SEMA6D: variants seen among roughly 807,000 people sequenced by gnomAD.
SEMA6D encodes semaphorin-6D.
In SEMA6D, 35 loss-of-function variants were observed where a neutral mutation model predicts 106.6. The observed-to-expected ratio is 0.33, with a 90% CI of 0.25 to 0.44. The LOEUF is 0.44. SEMA6D is among the 20% of genes least tolerant of loss of function. The pLI is 1.00. For synonymous variants in SEMA6D, 499 were observed against 487.7 expected (o/e 1.02, Z -0.31); for missense variants, 1,185 against 1,345.9 (o/e 0.88, Z 1.87).
At chr15:47,563,105 G>A (rs1001136756) in intron 3 of SEMA6D, among the ~76,000 whole-genome samples, 4 of 152,142 alleles carry the variant, frequency 2.6e-5, no homozygotes, top group Non-Finnish European at 4.4e-5. Context: ...GTAATTTCAT[G>A]TATTTCATTT....
chr15:47,415,129 G>T (rs545139641), intron 2 of SEMA6D, among the ~76,000 whole-genome samples: 3 of 152,182 alleles, frequency 2.0e-5, no homozygotes, highest in East Asian at 1.9e-4. Context: ...CATCTTCATC[G>T]ATCTGGTCTG....
intron 4 of SEMA6D, among the ~76,000 whole-genome samples, chr15:47,667,398 C>T (rs1256563321): frequency 1.3e-5 from 2 of 152,106 alleles, no homozygotes; most frequent in Non-Finnish European, 2.9e-5. Context: ...CTCAGGCTTC[C>T]TAGAGGGCTG....
chr15:47,670,310 A>T lies in SEMA6D; in HGVS notation c.-55+69414A>T, dbSNP rs368641618. ...TGTTCTTCATGACTGTCTTACACAC[A>T]CAGATGCTAACTTCACCGCAGAGAA... On this transcript the variant is annotated intron_variant, in intron 4 of 19. Transcript: ENST00000558014. 2.5e-4 allele frequency among the ~76,000 whole-genome samples: 38 copies of T among 152,274 alleles called. No individual in the cohort carries two copies. The South Asian group carries it at 4.4e-3, about 17-fold the overall frequency.
At chr15:47,387,857 T>A (rs2039893089) in intron 1 of SEMA6D, among the ~76,000 whole-genome samples, 1 of 152,184 alleles carries the variant, frequency 6.6e-6, no homozygotes, top group Admixed American at 6.5e-5. Context: ...AACCTGTGCA[T>A]AATGAGAGTA....
In SEMA6D at chr15:47,336,418, T is replaced by C. The variant is rs1424967602; in HGVS notation, c.-238-75975T>C. On this transcript the variant is annotated intron_variant, in intron 1 of 19. Coordinates refer to the SEMA6D transcript ENST00000558014. Reference sequence around the variant, plus strand: ...GGACAAATTCTCCACTTGATAATTATCTGTGGAGCTGTTACTGGGGCTCAT... The same window carrying C: ...GGACAAATTCTCCACTTGATAATTACCTGTGGAGCTGTTACTGGGGCTCAT... 2.0e-5 allele frequency among the ~76,000 whole-genome samples: 3 copies of C among 152,182 alleles called. No individual in the cohort carries two copies. In the East Asian group the frequency reaches 5.8e-4, roughly 29 times the overall value.
At chr15:47,383,945 A>G (rs1751936695) in intron 1 of SEMA6D, among the ~76,000 whole-genome samples, 1 of 152,242 alleles carries the variant, frequency 6.6e-6, no homozygotes, top group Admixed American at 6.5e-5. Flanking sequence ...CACAAAGCAC[A>G]TGCACATATA....
chr15:47,359,282 T>A (rs138745772), intron 1 of SEMA6D: 1 of 152,340 alleles, frequency 6.6e-6, no homozygotes, highest in Non-Finnish European at 1.5e-5. Flanking sequence ...TTGAATTGGC[T>A]AGTCTTAATT....
intron 3 of SEMA6D, among the ~76,000 whole-genome samples, chr15:47,513,368 G>A (rs554266464): frequency 6.6e-6 from 1 of 152,208 alleles, no homozygotes; most frequent in South Asian, 2.1e-4. Context: ...GATTTGTCAT[G>A]CAATCTTACA....
intron 4 of SEMA6D, among the ~76,000 whole-genome samples, chr15:47,646,032 T>A (rs1027647084): frequency 8.5e-5 from 13 of 152,100 alleles, no homozygotes; most frequent in Non-Finnish European, 1.6e-4. Context: ...CCCATCTTTC[T>A]GGGTTTTTAT....
intron 4 of SEMA6D, among the ~76,000 whole-genome samples, chr15:47,650,682 A>G (rs1395986499): frequency 3.3e-5 from 5 of 152,202 alleles, no homozygotes; most frequent in Non-Finnish European, 5.9e-5. Flanking sequence ...GTTCCCCTAT[A>G]GAGAATAGGA....
rs537409436 is a variant in SEMA6D at position 47,202,740 on chromosome 15, C to A, written c.-239+18322C>A. Among the ~76,000 whole-genome samples the A allele has an allele frequency of 2.6e-5, 4 of 152,286 alleles. No homozygotes were observed. The South Asian group carries it at 8.3e-4, about 32-fold the overall frequency. On this transcript the variant is annotated intron_variant, in intron 1 of 19. Transcript: ENST00000558014. Reference sequence around the variant, plus strand: ...CCTGCTCTAAAACTTGCCGCAGTTTCTCTTTCTGCCTTACGCCCCTCAATT... The same window carrying A: ...CCTGCTCTAAAACTTGCCGCAGTTTATCTTTCTGCCTTACGCCCCTCAATT...
intron 4 of SEMA6D, among the ~76,000 whole-genome samples, chr15:47,608,910 T>C (rs3985872): frequency 0.18 from 27,622 of 152,054 alleles, 2,831 homozygotes; most frequent in African/African-American, 0.26. Context: ...TAAGCATTAA[T>C]ACATTTTACT....
chr15:47,358,498 C>T (rs922462689), intron 1 of SEMA6D, among the ~76,000 whole-genome samples: 1 of 152,194 alleles, frequency 6.6e-6, no homozygotes, highest in Non-Finnish European at 1.5e-5. Context: ...TTATCATGGT[C>T]TTTTGGGGAA....
At chr15:47,515,534 T>C (rs2044360782) in intron 3 of SEMA6D, among the ~76,000 whole-genome samples, 1 of 152,174 alleles carries the variant, frequency 6.6e-6, no homozygotes, top group South Asian at 2.1e-4. Flanking sequence ...CCTGATGCTT[T>C]GAGAAGAGTG....
chr15:47,691,820 A>C (rs2078592959), intron 4 of SEMA6D, among the ~76,000 whole-genome samples: 1 of 151,012 alleles, frequency 6.6e-6, no homozygotes, highest in Admixed American at 6.6e-5. Flanking sequence ...GCCCTCATGG[A>C]AAGTATACCT....
intron 1 of SEMA6D, among the ~76,000 whole-genome samples, chr15:47,360,613 G>A (rs1231249159): frequency 6.6e-6 from 1 of 152,326 alleles, no homozygotes; most frequent in East Asian, 1.9e-4. Context: ...CTAATAGAGA[G>A]CAAGGGTGTC....
chr15:47,645,420 G>A (rs1249082854), intron 4 of SEMA6D, among the ~76,000 whole-genome samples: 6 of 152,126 alleles, frequency 3.9e-5, no homozygotes, highest in Non-Finnish European at 8.8e-5. Flanking sequence ...TAACTTACTT[G>A]GAGATTGGCA....
chr15:47,542,482 G>A (rs1041571998), intron 3 of SEMA6D, among the ~76,000 whole-genome samples: 1 of 152,084 alleles, frequency 6.6e-6, no homozygotes, highest in Non-Finnish European at 1.5e-5. Context: ...GTTTGGCCTG[G>A]TGATTTACAA....
intron 1 of SEMA6D, among the ~76,000 whole-genome samples, chr15:47,390,350 A>T (rs1291830801): frequency 3.3e-5 from 5 of 152,216 alleles, no homozygotes; most frequent in African/African-American, 9.6e-5. Context: ...TTAACTAAAG[A>T]CATAGCTGAG....
Sources: allele counts gnomAD v4.1 joint callset (sites outside exome capture counted in the v4.1 genomes callset), GRCh38; gene constraint gnomAD v4.1.1; transcripts MANE v1.5; gene names NCBI Gene and HGNC (gene_info 2026-07-23, HGNC 2026-07-21).